Variants in RYR1 observed in about 807,000 individuals in gnomAD.
RYR1 encodes the protein central core disease of muscle.
Under a neutral mutation model 583.5 loss-of-function variants are expected in RYR1, and 342 were observed. The ratio of observed to expected loss-of-function variants is 0.59; its 90% CI spans 0.54 to 0.64. The LOEUF (loss-of-function observed/expected upper bound fraction) is 0.64, where lower values mean the gene tolerates loss of function less well. Ranked by LOEUF, RYR1 falls within the 30% of genes least tolerant of loss-of-function variation. The pLI is 0.00. For synonymous variants in RYR1, 2,791 were observed against 2,822.5 expected, an observed-to-expected ratio of 0.99 and a Z score of 0.35; for missense variants, 6,032 against 6,917.2, an observed-to-expected ratio of 0.87 and a Z score of 4.54.
At chr19:38,436,706 G>T (rs1214498944) in intron 1 of RYR1, among the ~76,000 whole-genome samples, 1 of 152,120 alleles carries the variant, frequency 6.6e-6, no homozygotes, top group Admixed American at 6.5e-5. Context: ...CCATTCACTT[G>T]TACCTATTTT....
intron 7 of RYR1, 138 bp from the exon 8 acceptor site, chr19:38,446,334 C>T: frequency 2.8e-6 from 2 of 712,214 alleles, no homozygotes; most frequent in Admixed American, 2.0e-5. Context: ...CCCTGAAACT[C>T]AGACCTCCAA....
chr19:38,495,402 G>C (rs559177044), intron 39 of RYR1, among the ~76,000 whole-genome samples: 4 of 152,230 alleles, frequency 2.6e-5, no homozygotes, highest in Non-Finnish European at 5.9e-5. Flanking sequence ...CTAGAGTGCA[G>C]TGGCCCAATC....
Position 38,502,650 on chromosome 19 carries a change from G to T in RYR1, c.7758G>T (p.Val2586=). The T allele has an allele frequency of 2.5e-6, 4 of 1,612,684 alleles. No homozygotes were observed. Among genetic ancestry groups the T allele is most frequent in the Non-Finnish European group, 2.5e-6 (3 of 1,179,918 alleles). Residue 2586 remains valine (V), a synonymous_variant, in exon 48 of 106, where the codon GTG becomes GTT. Transcript: ENST00000359596. Reference sequence around the variant, plus strand: ...TGGTGGACTCTATGCTGCATACCGTGTACCGCCTGTCTCGGGGTCGTTCGC... The same window carrying T: ...TGGTGGACTCTATGCTGCATACCGTTTACCGCCTGTCTCGGGGTCGTTCGC... ...AIMVDSMLHT[V]YRLSRGRSLT...
rs377584912 is a variant in RYR1 at position 38,467,749 on chromosome 19, C to A, written c.3318C>A (p.Pro1106=). 6.2e-7 allele frequency: 1 copy of A among 1,614,064 alleles called. No individual in the cohort carries two copies. The highest frequency in any genetic ancestry group is 8.5e-7 in the Non-Finnish European group (1 of 1,180,048). ...AGATGCGCGTGGGCTGGGCGAGGCC[C>A]GAGCTGAGGCCTGATGTAGAGCTGG... ...TGEMRVGWAR[P]ELRPDVELGA... is the part of the protein sequence containing the mutation. Residue 1106 remains proline (P), a synonymous_variant, in exon 25 of 106, where the codon CCC becomes CCA. Transcript: ENST00000359596.
In RYR1 at chr19:38,505,340, T is replaced by C. The variant is rs767805554; in HGVS notation, c.8342T>C (p.Ile2781Thr). 2.5e-5 allele frequency: 40 copies of C among 1,612,154 alleles called. 1 individual carries two copies. In the Admixed American group the frequency reaches 4.5e-4, roughly 18 times the overall value. Reference sequence around the variant, plus strand: ...AACAACTGGTCCTATGGAGAGAACATAGACGAGGAGCTGAAGACCCACCCC... The same window carrying C: ...AACAACTGGTCCTATGGAGAGAACACAGACGAGGAGCTGAAGACCCACCCC... ...IQNNWSYGEN[I>T]DEELKTHPML... Residue 2781 changes from isoleucine to threonine, a missense_variant, in exon 53 of 106, where the codon ATA (isoleucine) becomes ACA (threonine). Around this residue, in one of 11 missense-constraint regions of RYR1, gnomAD observed 1,493 missense variants for 1,715.5 expected, o/e 0.87. Transcript: ENST00000359596.
At chr19:38,477,373 C>T (rs1025144100) in intron 29 of RYR1, among the ~76,000 whole-genome samples, 1 of 152,120 alleles carries the variant, frequency 6.6e-6, no homozygotes, top group Non-Finnish European at 1.5e-5. Context: ...AAACTCCTGA[C>T]CTCAGGTGAT....
At chr19:38,527,519 A>G in intron 72 of RYR1, 128 bp from the exon 73 acceptor site, 1 of 1,266,350 alleles carries the variant, frequency 7.9e-7, no homozygotes. Context: ...CAAAACAAAA[A>G]GATGAAGAAG....
Position 38,512,442 on chromosome 19 carries a change from TCCAGCACATCGC to T in RYR1, c.9439_9450del (p.Ile3147_His3150del). On this transcript the variant is annotated inframe_deletion, in exon 63 of 106. Coordinates refer to ENST00000359596, the MANE Select transcript of RYR1 (RefSeq NM_000540.3). This position sits in a 1 kb window ranked among gnomAD's most constrained non-coding sequence, Gnocchi z 5.1. ...CTGCTGCCGGTCCTCACCACCCTCT[TCCAGCACATCGC>T]CCAGCACCAGTTCGGAGATGACGTC... The T allele has an allele frequency of 6.2e-7, 1 of 1,613,498 alleles. No individual in the cohort carries two copies. Among genetic ancestry groups the T allele is most frequent in the African/African-American group, 1.3e-5 (1 of 75,050 alleles).
rs1973380495 is a variant in RYR1, at chr19:38,565,639, C to T, written c.13305C>T (p.Asp4435=). The part of the protein sequence containing the change: ...AVHEAGPGGA[D]GAVAVTDGGP... ...ACGAGGCCGGGCCGGGCGGTGCCGA[C>T]GGGGCGGTGGCCGTGACCGATGGGG... The change falls in exon 91 of 106, where the codon GAC becomes GAT. Residue 4435 remains aspartate, a synonymous_variant. Coordinates refer to ENST00000359596, the MANE Select transcript of RYR1 (RefSeq NM_000540.3). The surrounding 1 kb of genome is among the most constrained non-coding windows in gnomAD (Gnocchi z 4.7). The T allele has an allele frequency of 5.0e-6, 7 of 1,393,008 alleles. No individual in the cohort carries two copies. The highest frequency in any genetic ancestry group is 3.2e-5 in the South Asian group (2 of 61,576). 86.3% of individuals were successfully genotyped at this position (1,393,008 alleles called of 1,614,324 possible).
chr19:38,504,109 C>T, intron 49 of RYR1, 111 bp from the exon 50 acceptor site: 1 of 621,332 alleles, frequency 1.6e-6, no homozygotes, highest in Non-Finnish European at 2.1e-6. Context: ...TAACCCACAC[C>T]TCCTTCATAA....
At position 38,442,495 on chromosome 19, in the gene RYR1, G is replaced by A. The variant is rs375296529; in HGVS notation, c.270+42G>A. The A allele has an allele frequency of 3.4e-6, 5 of 1,485,090 alleles. No homozygotes were observed. In the African/African-American group the frequency reaches 5.5e-5, roughly 16 times the overall value. 92.0% of individuals were successfully genotyped at this position (1,485,090 alleles called of 1,614,324 possible). A position where few individuals can be genotyped will look rare whatever the true frequency, so the allele number is the denominator to read the frequency against. On this transcript the variant is annotated intron_variant, in intron 3 of 105. Transcript: ENST00000359596. Reference sequence around the variant, plus strand: ...GGGGTGGGCGGGGTGGCAGAGATGGGCGAGAGGACCCAGGGGTCGTTTAGG... The same window carrying A: ...GGGGTGGGCGGGGTGGCAGAGATGGACGAGAGGACCCAGGGGTCGTTTAGG...
intron 57 of RYR1, among the ~76,000 whole-genome samples, chr19:38,507,417 A>G (rs1235313682): frequency 1.5e-5 from 2 of 136,966 alleles, no homozygotes; most frequent in African/African-American, 5.7e-5. Context: ...GGGACTGGTG[A>G]GTGGAGGCGG....
At chr19:38,474,781 G>A (rs142260760) in intron 28 of RYR1, among the ~76,000 whole-genome samples, 1 of 151,600 alleles carries the variant, frequency 6.6e-6, no homozygotes, top group Non-Finnish European at 1.5e-5. Flanking sequence ...CACCATGTTG[G>A]CCAGGCTGGT....
intron 82 of RYR1, 150 bp from the exon 83 acceptor site, chr19:38,536,600 C>T (rs1014026858): frequency 1.1e-6 from 1 of 881,606 alleles, no homozygotes. Flanking sequence ...CCTTATCACT[C>T]TGCCTTTCTC....
chr19:38,500,993 G>A lies in RYR1; in HGVS notation c.7614+3G>A. On this transcript the variant is annotated splice_donor_region_variant and intron_variant, in intron 47 of 105. Transcript: ENST00000359596. The surrounding 1 kb of genome is among the most constrained non-coding windows in gnomAD (Gnocchi z 5.9). ...GGGCAGCCGCCTCGCTGGACACGGT[G>A]AGCAACCCTGCCCAGCCTGGCCACC... is the stretch of plus-strand genomic sequence containing the variant. 6.2e-7 allele frequency: 1 copy of A among 1,612,796 alleles called. No individual in the cohort carries two copies. Among genetic ancestry groups the A allele is most frequent in the South Asian group, 1.1e-5 (1 of 90,852 alleles).
In RYR1 at chr19:38,565,658, G is replaced by T. The variant is rs757011909; in HGVS notation, c.13324G>T (p.Asp4442Tyr). 1.4e-6 allele frequency: 2 copies of T among 1,389,736 alleles called. No individual in the cohort carries two copies. Among genetic ancestry groups the T allele is most frequent in the Admixed American group, 3.6e-5 (1 of 27,420 alleles). The allele number at this position is 1,389,736 out of a possible 1,614,324, so 86.1% of individuals were successfully genotyped here. Reference sequence around the variant, plus strand: ...TGCCGACGGGGCGGTGGCCGTGACCGATGGGGGCCCCTTCCGGCCCGAAGG... The same window carrying T: ...TGCCGACGGGGCGGTGGCCGTGACCTATGGGGGCCCCTTCCGGCCCGAAGG... ...GGADGAVAVT[D>Y]GGPFRPEGAG... The change falls in exon 91 of 106, where the codon GAT becomes TAT. Residue 4442 changes from aspartate (D) to tyrosine (Y), a missense_variant. Around this residue, in one of 11 missense-constraint regions of RYR1, gnomAD observed 753 missense variants for 759.6 expected, o/e 0.99. Transcript: ENST00000359596. This position sits in a 1 kb window ranked among gnomAD's most constrained non-coding sequence, Gnocchi z 4.7.
chr19:38,490,506 C>G (rs540125950), intron 36 of RYR1, 115 bp from the exon 37 acceptor site: 1 of 818,858 alleles, frequency 1.2e-6, no homozygotes, highest in South Asian at 1.4e-5. Flanking sequence ...TTCATTAACT[C>G]ACACTTCGAC....
chr19:38,503,952 T>C lies in RYR1; in HGVS notation c.7927-268T>C, dbSNP rs1970321092. Among the ~76,000 whole-genome samples the C allele has an allele frequency of 2.0e-5, 3 of 152,156 alleles. 1 individual carries two copies. The South Asian group carries it at 6.2e-4, about 32-fold the overall frequency. ...CATGGATTAATATTAGCACGCTTAT[T>C]TGTGTAAAGCAATACCAGACACAAC... On this transcript the variant is annotated intron_variant, in intron 49 of 105. Coordinates refer to ENST00000359596, the MANE Select transcript of RYR1 (RefSeq NM_000540.3).
Position 38,477,695 on chromosome 19 carries a change from T to C in RYR1, c.4294-15T>C, listed in dbSNP as rs754342615. 1.9e-6 allele frequency: 3 copies of C among 1,614,062 alleles called. No individual in the cohort carries two copies. Among genetic ancestry groups the C allele is most frequent in the Non-Finnish European group, 2.5e-6 (3 of 1,180,004 alleles). On this transcript the variant is annotated splice_polypyrimidine_tract_variant and intron_variant, in intron 29 of 105. Transcript: ENST00000359596. ...CTTCCAGACTGACCACTAGTTCCCCTCCTTGTGTCACCAGTACTATTACTC... is the reference window on the plus strand; with the variant it reads ...CTTCCAGACTGACCACTAGTTCCCCCCCTTGTGTCACCAGTACTATTACTC...
Sources: gnomAD v4.1 joint callset for allele counts (sites outside exome capture counted in the v4.1 genomes callset) on GRCh38, gnomAD v4.1.1 for gene constraint, gnomAD v4.1.1 regional missense constraint, Gnocchi (gnomAD v3.1) non-coding constraint, MANE v1.5 for transcripts, NCBI Gene and HGNC (gene_info 2026-07-23, HGNC 2026-07-21) for gene names.